Variants in PCDH9 observed in about 807,000 individuals in gnomAD.
The protein encoded by PCDH9 is protocadherin-9.
Under a neutral mutation model 70.6 loss-of-function variants are expected in PCDH9, and 24 were observed. That is an observed-to-expected ratio of 0.34 (90% CI 0.25 to 0.48). PCDH9 has a LOEUF of 0.48. PCDH9 is among the 20% of genes least tolerant of loss of function. The pLI is 0.99. For missense variants in PCDH9, 1,281 were observed against 1,503.6 expected (o/e 0.85, Z 2.45); for synonymous variants, 562 against 558.5 (o/e 1.01, Z -0.09).
intron 3 of PCDH9, among the ~76,000 whole-genome samples, chr13:66,800,240 C>T (rs2080304905): frequency 6.6e-6 from 1 of 152,072 alleles, no homozygotes. Context: ...CTCTCACCCC[C>T]AGCCCGGGAT....
At chr13:67,128,266 A>G (rs1002479287) in intron 2 of PCDH9, among the ~76,000 whole-genome samples, 7 of 152,188 alleles carry the variant, frequency 4.6e-5, no homozygotes, top group Non-Finnish European at 1.0e-4. Context: ...AGAGAAGCAC[A>G]TTTGGATATG....
intron 2 of PCDH9, among the ~76,000 whole-genome samples, chr13:66,994,372 CG>C (rs1315234704): frequency 6.6e-6 from 1 of 152,168 alleles, no homozygotes; most frequent in African/African-American, 2.4e-5. Flanking sequence ...CCCCGCCATT[CG>C]GTCTCCCTCT....
chr13:67,039,897 G>A (rs1299517802), intron 2 of PCDH9, among the ~76,000 whole-genome samples: 1 of 151,980 alleles, frequency 6.6e-6, no homozygotes, highest in Non-Finnish European at 1.5e-5. Flanking sequence ...TTCATTTGTG[G>A]TGTCTGTGCT....
At chr13:66,642,479 A>G (rs2077721309) in intron 3 of PCDH9, among the ~76,000 whole-genome samples, 2 of 152,050 alleles carry the variant, frequency 1.3e-5, no homozygotes, top group Non-Finnish European at 2.9e-5. Flanking sequence ...AAATCTTATA[A>G]AGTATCTATT....
intron 4 of PCDH9, among the ~76,000 whole-genome samples, chr13:66,442,551 G>A (rs1369049567): frequency 6.6e-6 from 1 of 151,988 alleles, no homozygotes; most frequent in African/African-American, 2.4e-5. Flanking sequence ...TTTCCAAAGA[G>A]TGAGATTAAG....
chr13:66,469,088 T>C (rs76696734), intron 4 of PCDH9, among the ~76,000 whole-genome samples: 1,699 of 152,238 alleles, frequency 0.011, 31 homozygotes, highest in African/African-American at 0.04. Context: ...ATATTTCTGT[T>C]GCCAGGCTAA....
chr13:67,228,445 A>G lies in PCDH9; in HGVS notation c.-5T>C. 1.3e-6 allele frequency: 2 copies of G among 1,544,410 alleles called. No homozygotes were observed. Among genetic ancestry groups the G allele is most frequent in the Non-Finnish European group, 1.7e-6 (2 of 1,149,222 alleles). On this transcript the variant is annotated 5_prime_UTR_variant, in exon 2 of 5. Transcript: ENST00000377865. ...GTAAAAATCCCTCAGGTCCATGATA[A>G]TGTATTTATTTTCTTTTCCTGGATT...
intron 3 of PCDH9, among the ~76,000 whole-genome samples, chr13:66,727,498 GA>G (rs2079020846): frequency 6.6e-6 from 1 of 151,916 alleles, no homozygotes; most frequent in Non-Finnish European, 1.5e-5. Flanking sequence ...CACTAGTGGG[GA>G]AAAATGCCAC....
chr13:67,132,132 T>C (rs1256985687), intron 2 of PCDH9, among the ~76,000 whole-genome samples: 1 of 152,164 alleles, frequency 6.6e-6, no homozygotes, highest in Non-Finnish European at 1.5e-5. Context: ...AAGTTTCTAG[T>C]GGTAAGTTTT....
chr13:67,137,981 C>T (rs2087276610), intron 2 of PCDH9, among the ~76,000 whole-genome samples: 1 of 152,008 alleles, frequency 6.6e-6, no homozygotes, highest in African/African-American at 2.4e-5. Context: ...TTTCAGTAGT[C>T]ATGCATAAAT....
At position 66,768,015 on chromosome 13, in the gene PCDH9, G is replaced by T. The variant is rs185484633; in HGVS notation, c.3138+135489C>A. On this transcript the variant is annotated intron_variant, in intron 3 of 4. Transcript: ENST00000377865. ...GACAAATCAATTCTTCCGTGGAAAAGATGAGGATTGAGCAAGCTCTAGAGT... is the reference window on the plus strand; with the variant it reads ...GACAAATCAATTCTTCCGTGGAAAATATGAGGATTGAGCAAGCTCTAGAGT... Among the ~76,000 whole-genome samples the T allele has an allele frequency of 1.3e-3, 205 of 152,178 alleles. 2 individuals are homozygous for T. The highest frequency in any genetic ancestry group is 4.6e-3 in the African/African-American group (192 of 41,540).
At chr13:67,014,266 T>C (rs935176601) in intron 2 of PCDH9, among the ~76,000 whole-genome samples, 63 of 152,230 alleles carry the variant, frequency 4.1e-4, no homozygotes, top group African/African-American at 1.5e-3. Flanking sequence ...TGATGCCCTT[T>C]GTAGAAACAA....
chr13:66,373,544 A>G (rs575964476), intron 4 of PCDH9, among the ~76,000 whole-genome samples: 57 of 152,182 alleles, frequency 3.7e-4, no homozygotes. Context: ...AAAAGGAAAG[A>G]AAAAATGAAA....
intron 3 of PCDH9, among the ~76,000 whole-genome samples, chr13:66,665,300 T>C (rs909426565): frequency 6.6e-6 from 1 of 152,210 alleles, no homozygotes; most frequent in Non-Finnish European, 1.5e-5. Context: ...GGTCTCACCA[T>C]GTTGGCCAGT....
chr13:66,709,075 T>G (rs1246570626), intron 3 of PCDH9, among the ~76,000 whole-genome samples: 1 of 152,224 alleles, frequency 6.6e-6, no homozygotes, highest in African/African-American at 2.4e-5. Flanking sequence ...ATTTGTAATA[T>G]ATTGTGAGAT....
intron 2 of PCDH9, among the ~76,000 whole-genome samples, chr13:67,099,400 T>C (rs2086386999): frequency 6.6e-6 from 1 of 152,208 alleles, no homozygotes; most frequent in Non-Finnish European, 1.5e-5. Context: ...AATATGCAAA[T>C]TAATGAGGTA....
chr13:66,535,874 G>A (rs969433991), intron 4 of PCDH9, among the ~76,000 whole-genome samples: 3 of 151,968 alleles, frequency 2.0e-5, no homozygotes, highest in Non-Finnish European at 4.4e-5. Context: ...AATTGAAATA[G>A]GAGTTTGAGG....
intron 3 of PCDH9, among the ~76,000 whole-genome samples, chr13:66,778,765 T>C (rs1039280098): frequency 6.6e-6 from 1 of 152,198 alleles, no homozygotes; most frequent in African/African-American, 2.4e-5. Flanking sequence ...TCCTGATTCA[T>C]AGAGGTACTA....
chr13:66,590,723 T>C (rs1237541434), intron 4 of PCDH9, among the ~76,000 whole-genome samples: 1 of 151,870 alleles, frequency 6.6e-6, no homozygotes, highest in Non-Finnish European at 1.5e-5. Context: ...AAATTCACTT[T>C]TCTAGCTCAC....
Sources: gnomAD v4.1 joint callset for allele counts (sites outside exome capture counted in the v4.1 genomes callset) on GRCh38, gnomAD v4.1.1 for gene constraint, MANE v1.5 for transcripts, NCBI Gene and HGNC (gene_info 2026-07-23, HGNC 2026-07-21) for gene names.